The following CPNE4 variants were observed in gnomAD, a reference collection of about 807,000 sequenced individuals.
CPNE4 encodes the protein copine-4.
A neutral mutation model predicts 67.9 loss-of-function variants in CPNE4; 25 were observed. The ratio of observed to expected loss-of-function variants is 0.37; its 90% CI spans 0.27 to 0.51. The LOEUF is 0.51. CPNE4 is among the 20% of genes least tolerant of loss of function. CPNE4 has a pLI of 0.93. For missense variants in CPNE4, 464 were observed against 690.8 expected, an observed-to-expected ratio of 0.67 and a Z score of 3.68; for synonymous variants, 242 against 244.9, an observed-to-expected ratio of 0.99 and a Z score of 0.11.
At chr3:131,661,248 G>A (rs1205073669) in intron 7 of CPNE4, among the ~76,000 whole-genome samples, 1 of 152,162 alleles carries the variant, frequency 6.6e-6, no homozygotes, top group South Asian at 2.1e-4. Flanking sequence ...AAATACTGAA[G>A]AGCAGAAATT....
chr3:131,597,396 C>T (rs540955042), intron 7 of CPNE4, among the ~76,000 whole-genome samples: 1 of 152,102 alleles, frequency 6.6e-6, no homozygotes, highest in Non-Finnish European at 1.5e-5. Context: ...ACCACCATAG[C>T]ATGTGTATAC....
intron 1 of CPNE4, among the ~76,000 whole-genome samples, chr3:131,959,277 G>T (rs74740483): frequency 1.2e-5 from 1 of 86,946 alleles, no homozygotes; most frequent in Non-Finnish European, 2.2e-5. Flanking sequence ...TGGGATTACA[G>T]GCGTGAGCCA....
intron 1 of CPNE4, among the ~76,000 whole-genome samples, chr3:131,921,260 C>G (rs2070733105): frequency 6.6e-6 from 1 of 152,204 alleles, no homozygotes; most frequent in Non-Finnish European, 1.5e-5. Context: ...CTCTCAGACT[C>G]CAGTCTTAGT....
At chr3:131,868,733 A>G (rs1309459400) in intron 2 of CPNE4, among the ~76,000 whole-genome samples, 1 of 152,190 alleles carries the variant, frequency 6.6e-6, no homozygotes, top group Non-Finnish European at 1.5e-5. Context: ...CTCTAAATAG[A>G]TAATAGTAAC....
intron 1 of CPNE4, among the ~76,000 whole-genome samples, chr3:131,979,548 C>T (rs76062184): frequency 0.073 from 11,141 of 152,134 alleles, 430 homozygotes; most frequent in East Asian, 0.14. Context: ...TTTTTCCACC[C>T]CTTTACTTTA....
At chr3:131,817,118 G>A (rs1236005397) in intron 2 of CPNE4, among the ~76,000 whole-genome samples, 2 of 152,164 alleles carry the variant, frequency 1.3e-5, no homozygotes, top group Non-Finnish European at 2.9e-5. Context: ...AAAGGATGAG[G>A]AGGTGCAAAT....
intron 2 of CPNE4, among the ~76,000 whole-genome samples, chr3:131,801,452 GTATATATATATATA>G (rs71136416): frequency 1.9e-5 from 1 of 53,384 alleles, no homozygotes; most frequent in Non-Finnish European, 3.4e-5. Flanking sequence ...GTGTGTGTGT[GTATATATATATATA>G]TATATATATA....
At chr3:131,653,180 G>A (rs1355995515) in intron 7 of CPNE4, among the ~76,000 whole-genome samples, 2 of 128,142 alleles carry the variant, frequency 1.6e-5, no homozygotes, top group Non-Finnish European at 3.1e-5. Context: ...ACGGAGTCTC[G>A]CTCTGTCCAG....
intron 10 of CPNE4, among the ~76,000 whole-genome samples, chr3:131,565,342 C>T (rs948015437): frequency 1.3e-5 from 2 of 152,004 alleles, no homozygotes; most frequent in Admixed American, 1.3e-4. Flanking sequence ...CATTGGCTTA[C>T]TATGCCCGAA....
At chr3:131,850,020 C>T (rs925833675) in intron 2 of CPNE4, among the ~76,000 whole-genome samples, 3 of 152,082 alleles carry the variant, frequency 2.0e-5, no homozygotes, top group Non-Finnish European at 4.4e-5. Flanking sequence ...AGTATAGATG[C>T]TATATTCTAT....
chr3:131,701,192 A>G (rs996748739), intron 3 of CPNE4, among the ~76,000 whole-genome samples: 4 of 152,102 alleles, frequency 2.6e-5, no homozygotes, highest in Non-Finnish European at 5.9e-5. Context: ...ATGTATACAT[A>G]TGTAACCAAC....
chr3:131,759,062 A>G (rs1411843683), intron 2 of CPNE4, among the ~76,000 whole-genome samples: 1 of 152,162 alleles, frequency 6.6e-6, no homozygotes, highest in Admixed American at 6.5e-5. Flanking sequence ...TAGGATACCA[A>G]TGGGAATCTT....
intron 2 of CPNE4, among the ~76,000 whole-genome samples, chr3:131,903,158 A>T: frequency 6.6e-6 from 1 of 152,192 alleles, no homozygotes; most frequent in South Asian, 2.1e-4. Flanking sequence ...TCTTAGAGGG[A>T]CACCTTCCGG....
At chr3:131,882,168 C>T (rs981252260) in intron 2 of CPNE4, among the ~76,000 whole-genome samples, 1 of 151,700 alleles carries the variant, frequency 6.6e-6, no homozygotes, top group Non-Finnish European at 1.5e-5. Flanking sequence ...ACACAACCTA[C>T]ATCTCTCTCA....
chr3:131,653,881 A>G (rs1278361231), intron 7 of CPNE4, among the ~76,000 whole-genome samples: 1 of 152,232 alleles, frequency 6.6e-6, no homozygotes, highest in African/African-American at 2.4e-5. Context: ...AAAAGTCTTA[A>G]GAAACACTGA....
chr3:131,977,564 A>G (rs2072696130), intron 1 of CPNE4, among the ~76,000 whole-genome samples: 1 of 152,112 alleles, frequency 6.6e-6, no homozygotes, highest in South Asian at 2.1e-4. Flanking sequence ...ACACACGCAC[A>G]TACATATACA....
At chr3:131,819,729 A>T (rs1226115037) in intron 2 of CPNE4, among the ~76,000 whole-genome samples, 1 of 152,176 alleles carries the variant, frequency 6.6e-6, no homozygotes, top group African/African-American at 2.4e-5. Flanking sequence ...AAAATGTGTA[A>T]AAGCTGACAC....
At chr3:131,574,523 C>G (rs114797123) in intron 10 of CPNE4, among the ~76,000 whole-genome samples, 1,913 of 152,186 alleles carry the variant, frequency 0.013, 49 homozygotes, top group African/African-American at 0.043. Flanking sequence ...TTCACTGAGT[C>G]TAGACACCCA....
intron 2 of CPNE4, among the ~76,000 whole-genome samples, chr3:131,739,721 T>G (rs756693740): frequency 6.6e-6 from 1 of 152,250 alleles, no homozygotes; most frequent in Non-Finnish European, 1.5e-5. Context: ...CTATTGTACT[T>G]ACATGCCACA....
Sources: gnomAD v4.1 joint callset for allele counts (sites outside exome capture counted in the v4.1 genomes callset) on GRCh38, gnomAD v4.1.1 for gene constraint, MANE v1.5 for transcripts, NCBI Gene and HGNC (gene_info 2026-07-23, HGNC 2026-07-21) for gene names.